GLIS3: variants seen among roughly 807,000 people sequenced by gnomAD.
The protein encoded by GLIS3 is zinc finger protein GLIS3.
Under a neutral mutation model 78.6 loss-of-function variants are expected in GLIS3, and 53 were observed. The observed-to-expected ratio is 0.67, with a 90% confidence interval of 0.54 to 0.85. The LOEUF is 0.85. Ranked by LOEUF, GLIS3 falls within the 40% of genes least tolerant of loss-of-function variation. The pLI is 0.00. For missense variants in GLIS3, 1,703 were observed against 1,231.1 expected, an observed-to-expected ratio of 1.38 and a Z score of -5.74; for synonymous variants, 684 against 509.9, an observed-to-expected ratio of 1.34 and a Z score of -4.60.
At chr9:3,932,566 T>C in intron 5 of GLIS3, 96 bp from the exon 6 acceptor site, 1 of 866,424 alleles carries the variant, frequency 1.2e-6, no homozygotes, top group Non-Finnish European at 2.0e-6. Flanking sequence ...GAGCATGAAC[T>C]GTTACCAATT....
chr9:4,413,036 T>A, the GLIS3 span, among the ~76,000 whole-genome samples: 1 of 152,244 alleles, frequency 6.6e-6, no homozygotes, highest in Non-Finnish European at 1.5e-5. Flanking sequence ...CTACTGAGAT[T>A]TAGAGTTTGT....
At chr9:4,292,308 T>C (rs1053303655) in intron 1 of GLIS3, among the ~76,000 whole-genome samples, 2 of 152,192 alleles carry the variant, frequency 1.3e-5, no homozygotes, top group Non-Finnish European at 2.9e-5. Context: ...AATGGTGAAC[T>C]ATTGGTTTTA....
intron 9 of GLIS3, among the ~76,000 whole-genome samples, chr9:3,855,030 G>T (rs1819675906): frequency 6.6e-6 from 1 of 152,182 alleles, no homozygotes; most frequent in Non-Finnish European, 1.5e-5. Flanking sequence ...GAGGACAGTA[G>T]TATTTTTCAG....
intron 5 of GLIS3, among the ~76,000 whole-genome samples, chr9:3,933,488 G>C (rs546224768): frequency 6.6e-6 from 1 of 152,272 alleles, no homozygotes; most frequent in African/African-American, 2.4e-5. Context: ...TCAGTTGTGA[G>C]ATAAATCAAA....
chr9:4,192,610 T>C lies in GLIS3; in HGVS notation c.389-66669A>G, dbSNP rs12237673. On this transcript the variant is annotated intron_variant, in intron 2 of 10. Transcript: ENST00000381971. ...TCATTTAACTATTCCATTCCACTTA[T>C]TCATTTGTCCATTCATTCATGCATG... Among the ~76,000 whole-genome samples, 565 of 152,302 alleles carry C rather than the reference T, an allele frequency of 3.7e-3. 25 individuals carry two copies. In the East Asian group the frequency reaches 0.093, roughly 25 times the overall value.
intron 4 of GLIS3, among the ~76,000 whole-genome samples, chr9:4,110,587 G>A (rs528232885): frequency 6.6e-6 from 1 of 152,084 alleles, no homozygotes; most frequent in Non-Finnish European, 1.5e-5. Flanking sequence ...CTATATGAGC[G>A]ATGACACCTA....
chr9:4,371,523 G>T, the GLIS3 span, among the ~76,000 whole-genome samples: 1 of 152,180 alleles, frequency 6.6e-6, no homozygotes, highest in Admixed American at 6.5e-5. Context: ...CAGCAGTTCA[G>T]ATGGTTTTCG....
chr9:4,285,740 C>T (rs150121780), intron 2 of GLIS3: 24 of 414,876 alleles, frequency 5.8e-5, no homozygotes, highest in Middle Eastern at 6.8e-4. Flanking sequence ...GCTAACCTAG[C>T]TCTTACCCTT....
intron 2 of GLIS3, among the ~76,000 whole-genome samples, chr9:4,231,253 G>A (rs1466900201): frequency 6.6e-6 from 1 of 152,042 alleles, no homozygotes; most frequent in Non-Finnish European, 1.5e-5. Context: ...AAAACTCAAT[G>A]AATGAGTTCA....
chr9:4,073,995 T>G (rs1184388503), intron 4 of GLIS3, among the ~76,000 whole-genome samples: 1 of 152,112 alleles, frequency 6.6e-6, no homozygotes, highest in African/African-American at 2.4e-5. Context: ...AGAGCCAAGG[T>G]GCAAGTTTGA....
intron 2 of GLIS3, among the ~76,000 whole-genome samples, chr9:4,179,696 G>A (rs1817126025): frequency 6.6e-6 from 1 of 152,124 alleles, no homozygotes; most frequent in Non-Finnish European, 1.5e-5. Flanking sequence ...GATCAGCTGA[G>A]GTTAGGAGTT....
At chr9:4,463,076 G>C in the GLIS3 span, among the ~76,000 whole-genome samples, 1 of 152,152 alleles carries the variant, frequency 6.6e-6, no homozygotes, top group Non-Finnish European at 1.5e-5. Flanking sequence ...GCATTTCTTA[G>C]TTACTGACTG....
intron 2 of GLIS3, among the ~76,000 whole-genome samples, chr9:4,181,725 G>A (rs1048276040): frequency 6.6e-6 from 1 of 152,200 alleles, no homozygotes; most frequent in Non-Finnish European, 1.5e-5. Flanking sequence ...CAGAGGAAGG[G>A]ACTTGAAAAA....
intron 2 of GLIS3, among the ~76,000 whole-genome samples, chr9:4,340,577 G>T (rs1362413981): frequency 3.9e-5 from 6 of 152,206 alleles, no homozygotes; most frequent in Non-Finnish European, 8.8e-5. Context: ...CAGCAGGAAT[G>T]AGGGAGTGAG....
chr9:3,967,722 C>T (rs1252987394), intron 4 of GLIS3, among the ~76,000 whole-genome samples: 1 of 152,026 alleles, frequency 6.6e-6, no homozygotes, highest in African/African-American at 2.4e-5. Flanking sequence ...TATTATGATG[C>T]TAAGAGACAA....
chr9:3,951,478 A>G (rs1295610324), intron 4 of GLIS3, among the ~76,000 whole-genome samples: 1 of 152,096 alleles, frequency 6.6e-6, no homozygotes, highest in African/African-American at 2.4e-5. Context: ...ATCTTTCAAG[A>G]GTAGTATTTA....
chr9:4,308,248 C>A (rs540271992), intron 4 of GLIS3, among the ~76,000 whole-genome samples: 3 of 151,786 alleles, frequency 2.0e-5, no homozygotes, highest in Non-Finnish European at 4.4e-5. Flanking sequence ...AGCCCATGAA[C>A]TGGAAGGAAC....
At chr9:4,001,287 T>G (rs1258477619) in intron 4 of GLIS3, among the ~76,000 whole-genome samples, 1 of 152,214 alleles carries the variant, frequency 6.6e-6, no homozygotes, top group Admixed American at 6.5e-5. Flanking sequence ...GAATCATGCT[T>G]TCAATGGCTT....
chr9:3,825,582 G>A lies in GLIS3; in HGVS notation c.*2690C>T, dbSNP rs1427561618. On this transcript the variant is annotated 3_prime_UTR_variant, in exon 11 of 11. Transcript: ENST00000381971. ...ACATATCAAGACTTAAAAAGACCAG[G>A]ACATGAAAGGGAATGATTTTTTTGA... 6.6e-6 allele frequency: 1 copy of A among 152,238 alleles called. No individual in the cohort carries two copies. The highest frequency in any genetic ancestry group is 2.1e-4 in the South Asian group (1 of 4,828). The allele number at this position is 152,238 out of a possible 1,614,324, so 9.4% of individuals were successfully genotyped here. A position where few individuals can be genotyped will look rare whatever the true frequency, so the allele number is the denominator to read the frequency against.
Sources: allele counts gnomAD v4.1 joint callset (sites outside exome capture counted in the v4.1 genomes callset), GRCh38; gene constraint gnomAD v4.1.1; transcripts MANE v1.5; gene names NCBI Gene and HGNC (gene_info 2026-07-23, HGNC 2026-07-21).